PIAS4: variants seen among roughly 807,000 people sequenced by gnomAD.
PIAS4 encodes the protein protein inhibitor of activated STAT 4.
PIAS4 carries 7 observed loss-of-function variants against 58.0 expected under a neutral mutation model. That is an observed-to-expected ratio of 0.12 (90% confidence interval 0.07 to 0.23). The LOEUF is 0.23. Ranked by LOEUF, PIAS4 falls within the 10% of genes least tolerant of loss-of-function variation. PIAS4 has a pLI of 1.00. For synonymous variants in PIAS4, 364 were observed against 312.4 expected (o/e 1.17, Z -1.74); for missense variants, 550 against 709.5 (o/e 0.78, Z 2.55).
Position 4,013,829 on chromosome 19 carries a change from C to T in PIAS4, c.454+480C>T, listed in dbSNP as rs563984340. On this transcript the variant is annotated intron_variant, in intron 2 of 10. Coordinates refer to ENST00000262971, the MANE Select transcript of PIAS4 (RefSeq NM_015897.4). The surrounding 1 kb of genome is among the most constrained non-coding windows in gnomAD (Gnocchi z 5.1). ...GTCCTCAGCCTGGTGGCTCCCTCAC[C>T]CTAGGGTAGCGAGTGTGCACCTCCA... Among the ~76,000 whole-genome samples the T allele has an allele frequency of 6.6e-6, 1 of 152,284 alleles. No individual in the cohort carries two copies. Among genetic ancestry groups the T allele is most frequent in the East Asian group, 1.9e-4 (1 of 5,174 alleles).
chr19:4,026,569 C>G (rs1013816180), intron 3 of PIAS4, among the ~76,000 whole-genome samples: 1 of 35,134 alleles, frequency 2.8e-5, no homozygotes, highest in African/African-American at 5.1e-5. Flanking sequence ...GCAGTCATGT[C>G]CATCCCCAGC....
chr19:4,028,303 C>G (rs1314074389), intron 4 of PIAS4, 116 bp downstream of exon 4: 1 of 905,200 alleles, frequency 1.1e-6, no homozygotes, highest in African/African-American at 1.7e-5. Context: ...CAGAGCCCAG[C>G]TCTCCTCACC....
intron 2 of PIAS4, among the ~76,000 whole-genome samples, 197 bp from the exon 3 acceptor site, chr19:4,023,839 G>A (rs924657297): frequency 8.5e-5 from 13 of 152,330 alleles, no homozygotes; most frequent in Admixed American, 3.3e-4. Flanking sequence ...CATGGTGAGC[G>A]GCCCCGAGAA....
At chr19:4,032,564 C>T (rs972546684) in intron 7 of PIAS4, among the ~76,000 whole-genome samples, 1 of 152,252 alleles carries the variant, frequency 6.6e-6, no homozygotes, top group African/African-American at 2.4e-5. Flanking sequence ...TTCCGTGCAG[C>T]TTGCTGGCGG....
Position 4,038,117 on chromosome 19 carries a change from TAAAA to T in PIAS4, c.*244_*247del, listed in dbSNP as rs746220346. The T allele has an allele frequency of 1.1e-4, 52 of 492,632 alleles. No individual in the cohort carries two copies. The highest frequency in any genetic ancestry group is 1.7e-4 in the Non-Finnish European group (49 of 284,680). The allele number at this position is 492,632 out of a possible 1,614,324, so 30.5% of individuals were successfully genotyped here. A position where few individuals can be genotyped will look rare whatever the true frequency, so the allele number is the denominator to read the frequency against. On this transcript the variant is annotated 3_prime_UTR_variant, in exon 11 of 11. Transcript: ENST00000262971. This position sits in a 1 kb window ranked among gnomAD's most constrained non-coding sequence, Gnocchi z 4.1. ...AAATGAAACAAAAAAGTCAAACTCT[TAAAA>T]ACAAGGCCGGCCACCCACACAGCCG...
At chr19:4,034,770 G>A (rs1210726466) in intron 9 of PIAS4, among the ~76,000 whole-genome samples, 1 of 152,204 alleles carries the variant, frequency 6.6e-6, no homozygotes, top group African/African-American at 2.4e-5. Flanking sequence ...TCCCATGCAG[G>A]CCTTGGCCTC....
At position 4,037,110 on chromosome 19, in the gene PIAS4, T is replaced by C. The variant is rs1318838782; in HGVS notation, c.1143-264T>C. Among the ~76,000 whole-genome samples the C allele has an allele frequency of 6.6e-6, 1 of 152,222 alleles. No individual in the cohort carries two copies. The highest frequency in any genetic ancestry group is 1.5e-5 in the Non-Finnish European group (1 of 68,034). The stretch of plus-strand genomic sequence containing the variant: ...CACACTCCCTGCTCTTGTGGGTAGT[T>C]GGGGGCCACTGGGTATGTGTGTCCA... On this transcript the variant is annotated intron_variant, in intron 9 of 10. Coordinates refer to ENST00000262971, the MANE Select transcript of PIAS4 (RefSeq NM_015897.4). The surrounding 1 kb of genome is among the most constrained non-coding windows in gnomAD (Gnocchi z 5.8).
chr19:4,015,707 C>CG (rs2040045595), intron 2 of PIAS4, among the ~76,000 whole-genome samples: 1 of 152,158 alleles, frequency 6.6e-6, no homozygotes, highest in Admixed American at 6.5e-5. Flanking sequence ...TGGCCTTGCC[C>CG]GGGGGCCGCC....
At chr19:4,033,961 CAGAA>C (rs2040250463) in intron 9 of PIAS4, among the ~76,000 whole-genome samples, 1 of 152,140 alleles carries the variant, frequency 6.6e-6, no homozygotes, top group African/African-American at 2.4e-5. Flanking sequence ...GACCTCCTCA[CAGAA>C]AGGCAAAGGA....
At chr19:4,019,298 G>A (rs2144915986) in intron 2 of PIAS4, among the ~76,000 whole-genome samples, 1 of 152,292 alleles carries the variant, frequency 6.6e-6, no homozygotes, top group African/African-American at 2.4e-5. Context: ...GCACAGCAGT[G>A]AGAGCACAGG....
rs2040243322 is a variant in PIAS4, at chr19:4,033,443, G to T, written c.1005G>T (p.Val335=). The T allele has an allele frequency of 1.9e-6, 3 of 1,559,772 alleles. No homozygotes were observed. The highest frequency in any genetic ancestry group is 1.7e-6 in the Non-Finnish European group (2 of 1,152,754). Residue 335 remains valine, a synonymous_variant, in exon 9 of 11, where the codon GTG becomes GTT. Coordinates refer to ENST00000262971, the MANE Select transcript of PIAS4 (RefSeq NM_015897.4). The part of the protein sequence containing the change: ...ICPLVKMRLS[V]PCRAETCAHL... ...AGCTGGTGAAGATGCGGCTCTCCGT[G>T]CCCTGCCGGGCAGAGACCTGTGCCC...
At chr19:4,018,579 A>G (rs62131489) in intron 2 of PIAS4, 11,267 of 152,306 alleles carry the variant, frequency 0.074, 592 homozygotes, top group South Asian at 0.18. Context: ...CCAAAGGTGC[A>G]TCTGGTTCAG....
chr19:4,037,421 A>C lies in PIAS4; in HGVS notation c.1190A>C (p.Glu397Ala). 6.2e-7 allele frequency: 1 copy of C among 1,611,234 alleles called. No homozygotes were observed. The highest frequency in any genetic ancestry group is 8.5e-7 in the Non-Finnish European group (1 of 1,179,020). ...GAGTGTGAGGACGCCGACGAGATCG[A>C]GTACCTGGTGGACGGCTCGTGGTGC... ...LSECEDADEI[E>A]YLVDGSWCPI... The change falls in exon 10 of 11, where the codon GAG becomes GCG. Residue 397 changes from glutamate (E) to alanine (A), a missense_variant. Around this residue, in one of 4 missense-constraint regions of PIAS4, gnomAD observed 188 missense variants for 192.0 expected, o/e 0.98. Coordinates refer to ENST00000262971, the MANE Select transcript of PIAS4 (RefSeq NM_015897.4). The surrounding 1 kb of genome is among the most constrained non-coding windows in gnomAD (Gnocchi z 5.8).
At chr19:4,015,295 G>A (rs1007875798) in intron 2 of PIAS4, among the ~76,000 whole-genome samples, 4 of 152,154 alleles carry the variant, frequency 2.6e-5, no homozygotes, top group Non-Finnish European at 5.9e-5. Flanking sequence ...GGCGGGGGAC[G>A]GGGCTGACCA....
chr19:4,010,274 CCTAAGGGGT>C (rs2039980032), intron 1 of PIAS4, among the ~76,000 whole-genome samples: 1 of 152,194 alleles, frequency 6.6e-6, no homozygotes, highest in South Asian at 2.1e-4. Flanking sequence ...CATATGGCCA[CCTAAGGGGT>C]GTGCTCCGGG....
At position 4,028,915 on chromosome 19, in the gene PIAS4, T is replaced by G. The variant is rs61268620; in HGVS notation, c.802-16T>G. 17,077 of 1,492,884 alleles carry G rather than the reference T, an allele frequency of 0.011. 1,611 individuals carry two copies. The African/African-American group carries it at 0.21, about 19-fold the overall frequency. The allele number at this position is 1,492,884 out of a possible 1,614,324, so 92.5% of individuals were successfully genotyped here. A position where few individuals can be genotyped will look rare whatever the true frequency, so the allele number is the denominator to read the frequency against. ...GCCCCGTCCTGCCAGCCCTGACCCCTTCCTTCTGTCCCCAGAGCTACTCGG... is the reference window on the plus strand; with the variant it reads ...GCCCCGTCCTGCCAGCCCTGACCCCGTCCTTCTGTCCCCAGAGCTACTCGG... On this transcript the variant is annotated splice_polypyrimidine_tract_variant and intron_variant, in intron 6 of 10. Coordinates refer to ENST00000262971, the MANE Select transcript of PIAS4 (RefSeq NM_015897.4).
At chr19:4,028,372 G>A (rs557785309) in intron 4 of PIAS4, 138 bp from the exon 5 acceptor site, 12 of 794,626 alleles carry the variant, frequency 1.5e-5, no homozygotes, top group South Asian at 1.1e-4. Context: ...GGCCACACCC[G>A]GGGGCCCTGA....
chr19:4,028,846 A>C lies in PIAS4; in HGVS notation c.799A>C (p.Lys267Gln), dbSNP rs1475476869. 3 of 1,613,196 alleles carry C rather than the reference A, an allele frequency of 1.9e-6. No homozygotes were observed. The part of the protein sequence containing the change: ...RITVTWGNYG[K>Q]SYSVALYLVR... ...CACTGTCACCTGGGGGAACTACGGC[A>C]AGGTGAGTGCGTGCCCGGGTGCCCA... Residue 267 changes from lysine (K) to glutamine (Q), a missense_variant and splice_region_variant, in exon 6 of 11, where the codon AAG becomes CAG. Physicochemically the swap from Lys to Gln is moderately conservative, Grantham distance 53. Transcript: ENST00000262971.
intron 7 of PIAS4, among the ~76,000 whole-genome samples, chr19:4,031,157 C>G (rs1280688851): frequency 6.6e-6 from 1 of 151,858 alleles, no homozygotes; most frequent in African/African-American, 2.4e-5. Flanking sequence ...CCTGGCACAG[C>G]CAGGCCCAGG....
Sources: allele counts gnomAD v4.1 joint callset (sites outside exome capture counted in the v4.1 genomes callset), GRCh38; gene constraint gnomAD v4.1.1; regional missense constraint gnomAD v4.1.1; non-coding constraint Gnocchi (gnomAD v3.1); transcripts MANE v1.5; gene names NCBI Gene and HGNC (gene_info 2026-07-23, HGNC 2026-07-21).